Variants in STRBP observed in about 807,000 individuals in gnomAD.
STRBP encodes spermatid perinuclear RNA binding protein.
A neutral mutation model predicts 80.1 loss-of-function variants in STRBP; 13 were observed. That is an observed-to-expected ratio of 0.16 (90% CI 0.11 to 0.26). The LOEUF is 0.26. STRBP is among the 10% of genes least tolerant of loss of function. The pLI is 1.00. For missense variants in STRBP, 485 were observed against 815.2 expected (o/e 0.59, Z 4.93); for synonymous variants, 284 against 291.2 (o/e 0.98, Z 0.25).
chr9:123,193,005 G>C (rs1318432185), intron 2 of STRBP, among the ~76,000 whole-genome samples: 1 of 152,128 alleles, frequency 6.6e-6, no homozygotes, highest in Non-Finnish European at 1.5e-5. Context: ...CGCTAAGCTT[G>C]AGTTAAACGA....
chr9:123,174,380 C>T (rs2038131988), intron 4 of STRBP, among the ~76,000 whole-genome samples: 2 of 152,184 alleles, frequency 1.3e-5, no homozygotes, highest in South Asian at 4.1e-4. Flanking sequence ...TGAGGCTGCA[C>T]TGAACCATGT....
At chr9:123,140,813 G>T (rs560359463) in intron 13 of STRBP, among the ~76,000 whole-genome samples, 118 of 152,278 alleles carry the variant, frequency 7.7e-4, no homozygotes, top group East Asian at 1.7e-3. Context: ...GCTTTCAGAA[G>T]AATGTGTATA....
At chr9:123,221,786 G>A (rs1046871845) in intron 2 of STRBP, among the ~76,000 whole-genome samples, 2 of 152,296 alleles carry the variant, frequency 1.3e-5, no homozygotes, top group Admixed American at 6.5e-5. Flanking sequence ...CATCAAGTCA[G>A]GGGGTACTTG....
intron 3 of STRBP, chr9:123,111,198 TG>T (rs2132272109): frequency 5.9e-6 from 1 of 170,464 alleles, no homozygotes; most frequent in African/African-American, 2.4e-5. Context: ...GTAAGTGACA[TG>T]GAAGTGCCTC....
At chr9:123,223,251 A>T (rs1389723417) in intron 2 of STRBP, among the ~76,000 whole-genome samples, 1 of 152,200 alleles carries the variant, frequency 6.6e-6, no homozygotes. Context: ...GGGATTTTTA[A>T]AGCATGAAAG....
Position 123,147,861 on chromosome 9 carries a change from G to A in STRBP, c.1055C>T (p.Ser352Phe), listed in dbSNP as rs1225084109. The A allele has an allele frequency of 6.2e-7, 1 of 1,611,296 alleles. No homozygotes were observed. Among genetic ancestry groups the A allele is most frequent in the East Asian group, 2.2e-5 (1 of 44,784 alleles). Residue 352 changes from serine (S) to phenylalanine (F), a missense_variant, in exon 12 of 19, where the codon TCT (serine) becomes TTT (phenylalanine). Ser to Phe is a radical substitution (Grantham distance 155, BLOSUM62 -2). This residue lies in a region of STRBP where 377 missense variants were observed against 616.1 expected (regional missense o/e 0.61). Coordinates refer to ENST00000348403, the MANE Select transcript of STRBP (RefSeq NM_018387.5). ...WSVTDKEGAGSSALKRPFEDG... is the reference protein window; with the variant it reads ...WSVTDKEGAGFSALKRPFEDG... ...TTCAAATGGCCTCTTTAGAGCTGAA[G>A]ACCCAGCACCTAAAAAAAATTATGA...
chr9:123,229,331 G>A (rs1158421190), intron 2 of STRBP, among the ~76,000 whole-genome samples: 1 of 152,160 alleles, frequency 6.6e-6, no homozygotes, highest in Admixed American at 6.5e-5. Flanking sequence ...CGAATTTTAG[G>A]GCATGTGAAT....
chr9:123,134,700 T>A (rs2036283651), intron 16 of STRBP, among the ~76,000 whole-genome samples: 1 of 152,198 alleles, frequency 6.6e-6, no homozygotes, highest in Non-Finnish European at 1.5e-5. Flanking sequence ...ATCTAGCTCA[T>A]GTCTAGTAGA....
At chr9:123,183,856 T>C (rs1222900729) in intron 3 of STRBP, among the ~76,000 whole-genome samples, 2 of 152,238 alleles carry the variant, frequency 1.3e-5, no homozygotes, top group Admixed American at 1.3e-4. Context: ...AGTTTGCTAA[T>C]GCCAGTTTTA....
intron 2 of STRBP, among the ~76,000 whole-genome samples, chr9:123,232,074 G>A (rs1279309851): frequency 6.6e-6 from 1 of 152,226 alleles, no homozygotes; most frequent in Non-Finnish European, 1.5e-5. Flanking sequence ...CACTTTGGGA[G>A]GCTGAGGCAG....
chr9:123,150,217 C>T (rs902322483), intron 11 of STRBP, among the ~76,000 whole-genome samples: 10 of 152,118 alleles, frequency 6.6e-5, no homozygotes, highest in Non-Finnish European at 4.4e-5. Context: ...AGGGTGCTAG[C>T]AGTAGGTGAG....
At chr9:123,212,843 G>T (rs1380097056) in intron 2 of STRBP, 6 of 152,168 alleles carry the variant, frequency 3.9e-5, no homozygotes, top group Non-Finnish European at 8.8e-5. Context: ...ACATTCCTGT[G>T]TGGTTCAAAA....
intron 2 of STRBP, among the ~76,000 whole-genome samples, chr9:123,202,876 A>C (rs2132513100): frequency 6.6e-6 from 1 of 152,350 alleles, no homozygotes; most frequent in African/African-American, 2.4e-5. Flanking sequence ...AATCTAAAAA[A>C]TAAAAATAAA....
chr9:123,162,731 C>G (rs1351431746), intron 6 of STRBP, among the ~76,000 whole-genome samples: 1 of 152,180 alleles, frequency 6.6e-6, no homozygotes, highest in Non-Finnish European at 1.5e-5. Context: ...TACAATGTTT[C>G]ATTACTCCCT....
rs201732085 is a variant in STRBP, at chr9:123,146,832, G to A, written c.1338+23C>T. 2.7e-5 allele frequency: 42 copies of A among 1,566,542 alleles called. No individual in the cohort carries two copies. In the East Asian group the frequency reaches 8.1e-4, roughly 30 times the overall value. Reference sequence around the variant, plus strand: ...TTGGAACATAAAATAAGAAAGCATTGCAAAGTAAAACAAATACTGTACCTT... The same window carrying A: ...TTGGAACATAAAATAAGAAAGCATTACAAAGTAAAACAAATACTGTACCTT... On this transcript the variant is annotated intron_variant, in intron 13 of 18. Coordinates refer to ENST00000348403, the MANE Select transcript of STRBP (RefSeq NM_018387.5).
intron 1 of STRBP, among the ~76,000 whole-genome samples, chr9:123,255,204 T>G (rs1171192778): frequency 6.6e-6 from 1 of 152,244 alleles, no homozygotes; most frequent in Non-Finnish European, 1.5e-5. Context: ...TGATATCTTC[T>G]GGTATTTTGT....
Position 123,136,334 on chromosome 9 carries a change from A to C in STRBP, c.1632+47T>G. ...CTTTACATTAAGTTCAGGATATCCT[A>C]TGTCTTTGAGAAGAAAGATAAGGCT... On this transcript the variant is annotated intron_variant, in intron 15 of 18. Coordinates refer to ENST00000348403, the MANE Select transcript of STRBP (RefSeq NM_018387.5). This position sits in a 1 kb window ranked among gnomAD's most constrained non-coding sequence, Gnocchi z 4.2. 1 of 1,609,422 alleles carries C rather than the reference A, an allele frequency of 6.2e-7. No individual in the cohort carries two copies. Among genetic ancestry groups the C allele is most frequent in the Non-Finnish European group, 8.5e-7 (1 of 1,177,922 alleles).
At chr9:123,171,329 AAGGTAAGGTAAAACCTC>A in intron 5 of STRBP, among the ~76,000 whole-genome samples, 1 of 152,290 alleles carries the variant, frequency 6.6e-6, no homozygotes, top group Admixed American at 6.5e-5. Context: ...ATGAAGAGAA[AAGGTAAGGTAAAACCTC>A]AGCTAACTAA....
Position 123,124,280 on chromosome 9 carries a change from C to G in STRBP, c.*1317G>C, listed in dbSNP as rs2035817938. The G allele has an allele frequency of 3.0e-6, 3 of 985,316 alleles. No homozygotes were observed. The highest frequency in any genetic ancestry group is 1.1e-4 in the East Asian group (1 of 8,832). The allele number at this position is 985,316 out of a possible 1,614,324, so 61.0% of individuals were successfully genotyped here. ...AGACATGGTGCCTTATAAATATTGA[C>G]AGGGGACCACACTGCTGCTCCTTCA... On this transcript the variant is annotated 3_prime_UTR_variant, in exon 19 of 19. Coordinates refer to ENST00000348403, the MANE Select transcript of STRBP (RefSeq NM_018387.5).
Sources: gnomAD v4.1 joint callset for allele counts (sites outside exome capture counted in the v4.1 genomes callset) on GRCh38, gnomAD v4.1.1 for gene constraint, gnomAD v4.1.1 regional missense constraint, Gnocchi (gnomAD v3.1) non-coding constraint, MANE v1.5 for transcripts, NCBI Gene and HGNC (gene_info 2026-07-23, HGNC 2026-07-21) for gene names.